The following ADGRL2 variants were observed in gnomAD, a reference collection of about 807,000 sequenced individuals.
The protein encoded by ADGRL2 is adhesion G protein-coupled receptor L2.
ADGRL2 carries 44 observed loss-of-function variants against 157.4 expected under a neutral mutation model. The observed-to-expected ratio is 0.28, with a 90% CI of 0.22 to 0.36. The LOEUF (loss-of-function observed/expected upper bound fraction) is 0.36. ADGRL2 is among the 10% of genes least tolerant of loss of function. The probability of loss-of-function intolerance (pLI) is 1.00; values close to 1 mark genes in which losing one functional copy is unlikely to be tolerated. For missense variants in ADGRL2, 1,510 were observed against 1,768.9 expected (o/e 0.85, Z 2.63); for synonymous variants, 585 against 624.7 (o/e 0.94, Z 0.95).
upstream of ADGRL2, among the ~76,000 whole-genome samples, chr1:81,795,565 A>T (rs2149434323): frequency 6.6e-6 from 1 of 152,302 alleles, no homozygotes; most frequent in African/African-American, 2.4e-5. Flanking sequence ...ATAATTGTAT[A>T]TTTGACTCAC....
At chr1:81,802,213 C>T (rs1467272422) in intron 1 of ADGRL2, among the ~76,000 whole-genome samples, 1 of 152,026 alleles carries the variant, frequency 6.6e-6, no homozygotes, top group Non-Finnish European at 1.5e-5. Flanking sequence ...TCCCTCGGGG[C>T]GCGCTCGCAG....
At chr1:81,364,635 C>T (rs2100937412) in intron 1 of ADGRL2, among the ~76,000 whole-genome samples, 1 of 151,814 alleles carries the variant, frequency 6.6e-6, no homozygotes, top group East Asian at 1.9e-4. Context: ...TGTAATCAAC[C>T]ACCAGAATTC....
intron 2 of ADGRL2, among the ~76,000 whole-genome samples, chr1:81,446,346 A>T (rs2077596851): frequency 6.6e-6 from 1 of 152,140 alleles, no homozygotes; most frequent in Non-Finnish European, 1.5e-5. Context: ...CCTACAAAAC[A>T]AAAAGCCTTT....
chr1:81,457,343 A>T (rs2077828389), intron 2 of ADGRL2, among the ~76,000 whole-genome samples: 1 of 152,008 alleles, frequency 6.6e-6, no homozygotes, highest in African/African-American at 2.4e-5. Flanking sequence ...GTGGACCTCC[A>T]CTCTTAATGA....
intron 1 of ADGRL2, among the ~76,000 whole-genome samples, chr1:81,710,986 T>C (rs2149077521): frequency 6.6e-6 from 1 of 152,296 alleles, no homozygotes; most frequent in East Asian, 1.9e-4. Flanking sequence ...ATGCATGATT[T>C]TGTAACATCA....
At chr1:81,770,064 AG>A (rs2086292372) in intron 2 of ADGRL2, among the ~76,000 whole-genome samples, 1 of 149,418 alleles carries the variant, frequency 6.7e-6, no homozygotes, top group African/African-American at 2.5e-5. Context: ...CATGTTGGCC[AG>A]GCTGGTCTTG....
At chr1:81,695,371 A>G (rs528653891), upstream of ADGRL2, among the ~76,000 whole-genome samples, 55 of 152,300 alleles carry the variant, frequency 3.6e-4, no homozygotes, top group African/African-American at 1.3e-3. Context: ...AAAATTACCA[A>G]GTAGACACTA....
intron 2 of ADGRL2, among the ~76,000 whole-genome samples, chr1:81,446,683 A>G (rs2077603141): frequency 6.6e-6 from 1 of 152,206 alleles, no homozygotes; most frequent in Admixed American, 6.5e-5. Context: ...GGTTCCATTC[A>G]AAATTGGTCA....
At chr1:81,754,714 CTCTT>C (rs1424455261) in intron 1 of ADGRL2, among the ~76,000 whole-genome samples, 7 of 147,660 alleles carry the variant, frequency 4.7e-5, no homozygotes, top group African/African-American at 1.3e-4. Context: ...TCCTCTCTCT[CTCTT>C]TCTTTTTTTC....
In ADGRL2 at chr1:81,936,798, T is replaced by C; in HGVS notation, c.358T>C (p.Tyr120His). The change falls in exon 4 of 24, where the codon TAC becomes CAC. Residue 120 changes from tyrosine to histidine, a missense_variant. Transcript: ENST00000686636. ...DVFPDPCPGTYKYLEVQYECV... is the reference protein window; with the variant it reads ...DVFPDPCPGTHKYLEVQYECV... ...GTTTCCTGATCCATGTCCTGGAACA[T>C]ACAAATACCTTGAAGTCCAATATGA... 6.2e-7 allele frequency: 1 copy of C among 1,611,300 alleles called. No homozygotes were observed. Among genetic ancestry groups the C allele is most frequent in the Non-Finnish European group, 8.5e-7 (1 of 1,177,724 alleles).
chr1:81,323,770 G>A (rs920821250), intron 1 of ADGRL2, among the ~76,000 whole-genome samples: 1 of 152,182 alleles, frequency 6.6e-6, no homozygotes, highest in Non-Finnish European at 1.5e-5. Context: ...AATTAATAAA[G>A]ATGGATATGG....
chr1:81,674,541 G>A (rs2082945309), intron 3 of ADGRL2, among the ~76,000 whole-genome samples: 1 of 152,184 alleles, frequency 6.6e-6, no homozygotes, highest in Middle Eastern at 3.4e-3. Context: ...AAGCAAAAGG[G>A]GACACCAAAT....
chr1:81,970,185 A>G, intron 15 of ADGRL2, 129 bp from the exon 16 acceptor site: 1 of 689,386 alleles, frequency 1.5e-6, no homozygotes. Context: ...TTCAGGAAGC[A>G]TTAGTTTACT....
chr1:81,436,178 A>G (rs1363476630), intron 1 of ADGRL2, among the ~76,000 whole-genome samples: 1 of 152,188 alleles, frequency 6.6e-6, no homozygotes, highest in African/African-American at 2.4e-5. Context: ...TAGACAGTAT[A>G]ACATATATTC....
At chr1:81,736,925 C>G (rs1205284589) in intron 1 of ADGRL2, among the ~76,000 whole-genome samples, 1 of 152,144 alleles carries the variant, frequency 6.6e-6, no homozygotes, top group African/African-American at 2.4e-5. Context: ...ACCTCTGTCT[C>G]CCGGGTTCAC....
chr1:81,421,991 G>A (rs1416618043), intron 1 of ADGRL2, among the ~76,000 whole-genome samples: 1 of 151,994 alleles, frequency 6.6e-6, no homozygotes, highest in East Asian at 1.9e-4. Flanking sequence ...TTTCTTAATA[G>A]TATTACTTAC....
Position 81,887,065 on chromosome 1 carries a change from T to G in ADGRL2, c.74-19952T>G, listed in dbSNP as rs1009144413. Among the ~76,000 whole-genome samples, 3 of 152,316 alleles carry G rather than the reference T, an allele frequency of 2.0e-5. No individual in the cohort carries two copies. The East Asian group carries it at 5.8e-4, about 29-fold the overall frequency. Reference sequence around the variant, plus strand: ...GATAGACATTCCTAATATATTTTGTTGTATGTTTAATATGGAATATTATAA... The same window carrying G: ...GATAGACATTCCTAATATATTTTGTGGTATGTTTAATATGGAATATTATAA... On this transcript the variant is annotated intron_variant, in intron 2 of 23. Coordinates refer to ENST00000686636, the MANE Select transcript of ADGRL2 (RefSeq NM_001366006.2).
chr1:81,476,064 G>A (rs867315608), intron 2 of ADGRL2, among the ~76,000 whole-genome samples: 10 of 152,008 alleles, frequency 6.6e-5, no homozygotes, highest in Admixed American at 4.6e-4. Context: ...AGGAACCTAC[G>A]TCTGAATTTA....
chr1:81,594,667 G>A (rs1219872902), intron 3 of ADGRL2, among the ~76,000 whole-genome samples: 2 of 152,108 alleles, frequency 1.3e-5, no homozygotes, highest in Admixed American at 6.5e-5. Context: ...TGAAAGATTG[G>A]TCTCACCTAT....
Sources: allele counts gnomAD v4.1 joint callset (sites outside exome capture counted in the v4.1 genomes callset), GRCh38; gene constraint gnomAD v4.1.1; transcripts MANE v1.5; gene names NCBI Gene and HGNC (gene_info 2026-07-23, HGNC 2026-07-21).